Variants in ATP13A4 observed in about 807,000 individuals in gnomAD.
ATP13A4 encodes ATPase 13A4.
A neutral mutation model predicts 142.5 loss-of-function variants in ATP13A4; 114 were observed. That is an observed-to-expected ratio of 0.80 (90% CI 0.69 to 0.93). The LOEUF is 0.93. ATP13A4 is among the 40% of genes least tolerant of loss of function. The pLI is 0.00. For missense variants in ATP13A4, 1,392 were observed against 1,454.0 expected, an observed-to-expected ratio of 0.96 and a Z score of 0.69; for synonymous variants, 488 against 514.8, an observed-to-expected ratio of 0.95 and a Z score of 0.70.
chr3:193,508,959 T>C (rs1203719581), intron 2 of ATP13A4, among the ~76,000 whole-genome samples: 2 of 150,548 alleles, frequency 1.3e-5, no homozygotes, highest in Non-Finnish European at 2.9e-5. Context: ...AATCACTGTC[T>C]TCAAAAAGCT....
intron 8 of ATP13A4, among the ~76,000 whole-genome samples, chr3:193,477,626 T>C (rs1311483645): frequency 3.3e-5 from 5 of 151,984 alleles, no homozygotes; most frequent in Non-Finnish European, 7.4e-5. Context: ...GGGAAACAAA[T>C]AAAGGTGTTC....
chr3:193,539,405 A>G (rs886807436), intron 1 of ATP13A4, among the ~76,000 whole-genome samples: 2 of 152,348 alleles, frequency 1.3e-5, no homozygotes, highest in Non-Finnish European at 2.9e-5. Flanking sequence ...TGGCATGGAC[A>G]ACTTCTCATA....
At chr3:193,586,708 T>G (rs1218811658) in intron 1 of ATP13A4, among the ~76,000 whole-genome samples, 2 of 152,266 alleles carry the variant, frequency 1.3e-5, no homozygotes, top group Non-Finnish European at 2.9e-5. Flanking sequence ...TTTATTCTGG[T>G]CCATTTATCT....
intron 25 of ATP13A4, among the ~76,000 whole-genome samples, chr3:193,428,115 T>C (rs1271189676): frequency 2.6e-5 from 4 of 151,464 alleles, no homozygotes; most frequent in East Asian, 1.9e-4. Context: ...ACAACCCCAT[T>C]AAAAAGTGGG....
At chr3:193,457,683 T>C (rs999690700) in intron 14 of ATP13A4, among the ~76,000 whole-genome samples, 4 of 152,242 alleles carry the variant, frequency 2.6e-5, no homozygotes, top group Non-Finnish European at 5.9e-5. Context: ...GAATTATTCA[T>C]GCAATTTATC....
At chr3:193,488,640 A>G in intron 7 of ATP13A4, among the ~76,000 whole-genome samples, 1 of 152,212 alleles carries the variant, frequency 6.6e-6, no homozygotes. Flanking sequence ...GGAGGAAGAC[A>G]TGTCGGCATG....
At chr3:193,557,757 T>A (rs1723933888), upstream of ATP13A4, among the ~76,000 whole-genome samples, 1 of 152,256 alleles carries the variant, frequency 6.6e-6, no homozygotes, top group South Asian at 2.1e-4. Flanking sequence ...TTTGCATTTA[T>A]ATGACCAGAA....
rs756693304 is a variant in ATP13A4, at chr3:193,414,718, G to T, written c.2875C>A (p.Pro959Thr). 3 of 1,614,100 alleles carry T rather than the reference G, an allele frequency of 1.9e-6. No individual in the cohort carries two copies. The highest frequency in any genetic ancestry group is 1.7e-5 in the Admixed American group (1 of 59,996). ...NLNGAYPKLV[P>T]FRPAGRLISP... Reference sequence around the variant, plus strand: ...ATCAGCCGTCCTGCAGGTCTGAAAGGCACCAGCTTAGGGTAGGCACCATTC... The same window carrying T: ...ATCAGCCGTCCTGCAGGTCTGAAAGTCACCAGCTTAGGGTAGGCACCATTC... The change falls in exon 26 of 30, where the codon CCT (proline) becomes ACT (threonine). Residue 959 changes from proline (P) to threonine (T), a missense_variant. By Grantham distance (38) the Pro-to-Thr change is conservative. Transcript: ENST00000342695.
chr3:193,541,039 G>C (rs1016354551), intron 1 of ATP13A4, among the ~76,000 whole-genome samples: 1 of 152,036 alleles, frequency 6.6e-6, no homozygotes, highest in Non-Finnish European at 1.5e-5. Context: ...CGCGAGGTCA[G>C]GAGATCGAGA....
At chr3:193,411,618 T>C (rs57275385) in intron 27 of ATP13A4, among the ~76,000 whole-genome samples, 24,470 of 152,194 alleles carry the variant, frequency 0.16, 2,790 homozygotes, top group African/African-American at 0.32. Flanking sequence ...GATATACAAA[T>C]AAATGTCTTG....
chr3:193,559,085 C>T (rs1297847810), upstream of ATP13A4, among the ~76,000 whole-genome samples: 2 of 152,124 alleles, frequency 1.3e-5, no homozygotes, highest in Non-Finnish European at 1.5e-5. Flanking sequence ...TTGTCTGGCC[C>T]ATTTAGGTTT....
upstream of ATP13A4, among the ~76,000 whole-genome samples, chr3:193,555,585 T>C (rs1046646970): frequency 9.8e-5 from 15 of 152,350 alleles, no homozygotes; most frequent in African/African-American, 3.6e-4. Flanking sequence ...TTCAAATGAC[T>C]ATATGGCCAG....
chr3:193,503,101 T>C (rs150594835), intron 2 of ATP13A4, among the ~76,000 whole-genome samples: 28 of 152,280 alleles, frequency 1.8e-4, no homozygotes, highest in African/African-American at 6.7e-4. Flanking sequence ...CTTGTGCTCT[T>C]AATCACTTTT....
chr3:193,535,935 G>A (rs943604412), intron 1 of ATP13A4, among the ~76,000 whole-genome samples: 7 of 151,956 alleles, frequency 4.6e-5, no homozygotes, highest in African/African-American at 1.7e-4. Flanking sequence ...TTCACTCAAT[G>A]TGAAATAGAT....
chr3:193,550,574 G>A (rs966188349), intron 1 of ATP13A4, among the ~76,000 whole-genome samples: 6 of 152,158 alleles, frequency 3.9e-5, no homozygotes, highest in African/African-American at 1.2e-4. Flanking sequence ...CCAAAGTGCC[G>A]GGATTACAGG....
At chr3:193,453,502 C>T (rs565085993) in intron 17 of ATP13A4, among the ~76,000 whole-genome samples, 1 of 152,012 alleles carries the variant, frequency 6.6e-6, no homozygotes, top group Non-Finnish European at 1.5e-5. Context: ...CTCATAAATA[C>T]TGCAGTTTTG....
chr3:193,502,623 T>C lies in ATP13A4; in HGVS notation c.251A>G (p.Tyr84Cys), dbSNP rs765273096. 6.2e-6 allele frequency: 10 copies of C among 1,613,858 alleles called. No homozygotes were observed. Among genetic ancestry groups the C allele is most frequent in the South Asian group, 2.2e-5 (2 of 91,068 alleles). The change falls in exon 3 of 30, where the codon TAC becomes TGC. Residue 84 changes from tyrosine to cysteine, a missense_variant. Tyr to Cys is a radical substitution (Grantham distance 194). Coordinates refer to ENST00000342695, the MANE Select transcript of ATP13A4 (RefSeq NM_032279.4). Reference protein sequence around the residue: ...LLRTTDEFQIYSWKKVIWIYL... With the variant: ...LLRTTDEFQICSWKKVIWIYL... ...GATCCATATTACCTTTTTCCAAGAG[T>C]AAATTTGGAATTCATCCTGAGGAGA... is the stretch of plus-strand genomic sequence containing the variant.
At chr3:193,576,180 C>A (rs1175677888) in intron 2 of ATP13A4, among the ~76,000 whole-genome samples, 2 of 148,066 alleles carry the variant, frequency 1.4e-5, no homozygotes, top group African/African-American at 5.0e-5. Flanking sequence ...AAGCCCCCTG[C>A]AGAATGTACA....
intron 1 of ATP13A4, among the ~76,000 whole-genome samples, chr3:193,531,288 G>GAGGAAGGAAGGT (rs772378760): frequency 8.8e-6 from 1 of 113,152 alleles, no homozygotes; most frequent in Non-Finnish European, 1.9e-5. Context: ...GGGAGGGAGG[G>GAGGAAGGAAGGT]AGGGAGGGAG....
Sources: allele counts gnomAD v4.1 joint callset (sites outside exome capture counted in the v4.1 genomes callset), GRCh38; gene constraint gnomAD v4.1.1; transcripts MANE v1.5; gene names NCBI Gene and HGNC (gene_info 2026-07-23, HGNC 2026-07-21).